ITGB8: variants seen among roughly 807,000 people sequenced by gnomAD.
ITGB8 encodes integrin subunit beta 8.
Under a neutral mutation model 89.5 loss-of-function variants are expected in ITGB8, and 30 were observed. The observed-to-expected ratio is 0.34, with a 90% confidence interval of 0.25 to 0.45. The LOEUF (loss-of-function observed/expected upper bound fraction) is 0.45, where lower values mean the gene tolerates loss of function less well. Ranked by LOEUF, ITGB8 falls within the 20% of genes least tolerant of loss-of-function variation. The pLI is 1.00. For synonymous variants in ITGB8, 335 were observed against 320.4 expected, an observed-to-expected ratio of 1.05 and a Z score of -0.49; for missense variants, 836 against 933.3, an observed-to-expected ratio of 0.90 and a Z score of 1.36.
rs753195256 is a variant in ITGB8 at position 20,398,905 on chromosome 7, G to A, written c.1192G>A (p.Gly398Ser). 8.7e-6 allele frequency: 14 copies of A among 1,604,468 alleles called. No homozygotes were observed. In the Admixed American group the frequency reaches 2.4e-4, roughly 28 times the overall value. The change falls in exon 9 of 14, where the codon GGC becomes AGC. Residue 398 changes from glycine to serine, a missense_variant. By Grantham distance (56) the Gly-to-Ser change is moderately conservative (BLOSUM62 0). Around this residue, in one of 5 missense-constraint regions of ITGB8, gnomAD observed 192 missense variants for 267.1 expected, o/e 0.72. Transcript: ENST00000222573. ...VKVQVENQVQGIYFNITAICP... is the reference protein window; with the variant it reads ...VKVQVENQVQSIYFNITAICP... ...AGTTCAGGTGGAAAACCAGGTACAA[G>A]GCATCTATTTTAACATTACCGCCAT...
intron 1 of ITGB8, among the ~76,000 whole-genome samples, chr7:20,347,079 G>A (rs371991438): frequency 1.3e-5 from 2 of 152,190 alleles, no homozygotes; most frequent in East Asian, 3.8e-4. Context: ...TGAAGACACA[G>A]CAAGAAGGTG....
intron 6 of ITGB8, among the ~76,000 whole-genome samples, chr7:20,387,435 C>T (rs7781940): frequency 0.91 from 138,468 of 152,244 alleles, 63,007 homozygotes; most frequent in East Asian, 0.99. Context: ...ACCTGCTTTA[C>T]ACCTATGGAA....
chr7:20,383,009 G>C (rs910502563), intron 6 of ITGB8, among the ~76,000 whole-genome samples: 4 of 152,220 alleles, frequency 2.6e-5, no homozygotes, highest in African/African-American at 9.6e-5. Flanking sequence ...TTCTCTTGAA[G>C]ATTTAAATTA....
chr7:20,355,165 T>A (rs1785249500), intron 1 of ITGB8, among the ~76,000 whole-genome samples: 1 of 152,024 alleles, frequency 6.6e-6, no homozygotes, highest in African/African-American at 2.4e-5. Context: ...ACCCCACTCC[T>A]CCCCGTACCA....
intron 3 of ITGB8, among the ~76,000 whole-genome samples, chr7:20,378,123 G>C (rs1786228443): frequency 1.3e-5 from 2 of 152,168 alleles, no homozygotes; most frequent in Admixed American, 1.3e-4. Context: ...CCATATACTT[G>C]AAATTAAAAG....
chr7:20,402,864 C>T (rs182956932), intron 10 of ITGB8, among the ~76,000 whole-genome samples: 65 of 152,304 alleles, frequency 4.3e-4, no homozygotes, highest in African/African-American at 1.6e-3. Context: ...CATTAGCAAA[C>T]TAAAACAAAA....
At chr7:20,370,607 T>TTATTAG (rs1287550359) in intron 3 of ITGB8, among the ~76,000 whole-genome samples, 1 of 148,288 alleles carries the variant, frequency 6.7e-6, no homozygotes, top group Non-Finnish European at 1.5e-5. Context: ...TTATTTATTA[T>TTATTAG]TATTATTATT....
intron 1 of ITGB8, among the ~76,000 whole-genome samples, chr7:20,335,086 C>A (rs187781196): frequency 6.6e-6 from 1 of 152,298 alleles, no homozygotes; most frequent in Admixed American, 6.5e-5. Context: ...GTACCCAATT[C>A]ACCCCCTTCT....
chr7:20,333,257 T>C (rs1234733687), intron 1 of ITGB8, among the ~76,000 whole-genome samples: 6 of 152,198 alleles, frequency 3.9e-5, no homozygotes, highest in African/African-American at 1.2e-4. Flanking sequence ...ATGGAGAAAT[T>C]AGAGTAAATC....
chr7:20,390,995 A>G (rs985434015), intron 6 of ITGB8, among the ~76,000 whole-genome samples: 1 of 152,102 alleles, frequency 6.6e-6, no homozygotes, highest in Non-Finnish European at 1.5e-5. Context: ...ATAGGCATAT[A>G]CATATACATG....
chr7:20,389,913 C>T (rs1786785338), intron 6 of ITGB8, among the ~76,000 whole-genome samples: 1 of 151,724 alleles, frequency 6.6e-6, no homozygotes. Flanking sequence ...TGCAGACCTA[C>T]GTGTTAATAC....
intron 5 of ITGB8, chr7:20,381,167 C>CT (rs35466081): frequency 4.7e-3 from 749 of 159,714 alleles, no homozygotes; most frequent in South Asian, 0.01. Flanking sequence ...TGTTCTCCTA[C>CT]TTTTTTTTTT....
chr7:20,383,412 A>G (rs1334420994), intron 6 of ITGB8, among the ~76,000 whole-genome samples: 3 of 152,136 alleles, frequency 2.0e-5, no homozygotes, highest in South Asian at 4.2e-4. Flanking sequence ...GTCATTTCTT[A>G]TCTATCTTTC....
chr7:20,404,791 C>T lies in ITGB8; in HGVS notation c.1851C>T (p.Pro617=). 2 of 1,614,184 alleles carry T rather than the reference C, an allele frequency of 1.2e-6. No individual in the cohort carries two copies. Among genetic ancestry groups the T allele is most frequent in the Non-Finnish European group, 1.7e-6 (2 of 1,180,030 alleles). The change falls in exon 11 of 14, where the codon CCC becomes CCT. Residue 617 remains proline (P), a synonymous_variant. Transcript: ENST00000222573. Reference sequence around the variant, plus strand: ...GTGGAAGGTGTGAGTGCACCGATCCCAGGAGCATCGGCCGCTTCTGTGAAC... The same window carrying T: ...GTGGAAGGTGTGAGTGCACCGATCCTAGGAGCATCGGCCGCTTCTGTGAAC... ...CVCGRCECTD[P]RSIGRFCEHC...
intron 9 of ITGB8, 149 bp from the exon 10 acceptor site, chr7:20,401,572 A>G (rs1787311276): frequency 1.9e-6 from 1 of 516,566 alleles, no homozygotes; most frequent in African/African-American, 1.9e-5. Context: ...TGTTGCATAT[A>G]TATGAAAGAG....
chr7:20,379,303 T>C lies in ITGB8; in HGVS notation c.635+6T>C, dbSNP rs1042277. The C allele has an allele frequency of 0.42, 657,458 of 1,553,486 alleles. 143,209 individuals carry two copies. The highest frequency in any genetic ancestry group is 0.45 in the Non-Finnish European group (511,041 of 1,146,718). ...AGGATTCATAATCAATGCAGGTATC[T>C]AGGGTTTGATGTGGATATGCTAAAT... On this transcript the variant is annotated splice_donor_region_variant and intron_variant, in intron 4 of 13. Coordinates refer to ENST00000222573, the MANE Select transcript of ITGB8 (RefSeq NM_002214.3).
intron 8 of ITGB8, among the ~76,000 whole-genome samples, chr7:20,398,499 A>G (rs1787178402): frequency 1.3e-5 from 2 of 152,230 alleles, no homozygotes; most frequent in Non-Finnish European, 2.9e-5. Flanking sequence ...TTGTGATGAT[A>G]TATGTGTTCT....
chr7:20,409,656 A>G lies in ITGB8; in HGVS notation c.2065A>G (p.Ile689Val), dbSNP rs1462768505. ...SPSYLRIFFI[I>V]FIVTFLIGLL... ...AAGCTACTTGAGAATATTTTTCATCATTTTCATAGTTACATTCTTGATTGG... is the reference window on the plus strand; with the variant it reads ...AAGCTACTTGAGAATATTTTTCATCGTTTTCATAGTTACATTCTTGATTGG... The change falls in exon 13 of 14, where the codon ATT becomes GTT. Residue 689 changes from isoleucine (I) to valine (V), a missense_variant. This residue lies in a region of ITGB8 where 422 missense variants were observed against 416.9 expected (regional missense o/e 1.01). Transcript: ENST00000222573. 1.2e-6 allele frequency: 2 copies of G among 1,610,488 alleles called. No homozygotes were observed. Among genetic ancestry groups the G allele is most frequent in the African/African-American group, 1.3e-5 (1 of 74,804 alleles).
Position 20,409,700 on chromosome 7 carries a change from C to A in ITGB8, c.2109C>A (p.Ile703=). ...TGATTGGGTTGCTTAAAGTCCTGAT[C>A]ATTAGACAGGTGATACTACAATGGA... The part of the protein sequence containing the change: ...TFLIGLLKVL[I]IRQVILQWNS... Residue 703 remains isoleucine, a synonymous_variant, in exon 13 of 14, where the codon ATC becomes ATA. Coordinates refer to ENST00000222573, the MANE Select transcript of ITGB8 (RefSeq NM_002214.3). 1 of 1,606,744 alleles carries A rather than the reference C, an allele frequency of 6.2e-7. No individual in the cohort carries two copies. The highest frequency in any genetic ancestry group is 1.1e-5 in the South Asian group (1 of 90,748).
Sources: gnomAD v4.1 joint callset for allele counts (sites outside exome capture counted in the v4.1 genomes callset) on GRCh38, gnomAD v4.1.1 for gene constraint, gnomAD v4.1.1 regional missense constraint, MANE v1.5 for transcripts, NCBI Gene and HGNC (gene_info 2026-07-23, HGNC 2026-07-21) for gene names.